FABP12: variants seen among roughly 807,000 people sequenced by gnomAD.
FABP12 encodes the protein fatty acid binding protein 12.
FABP12 carries 19 observed loss-of-function variants against 13.7 expected under a neutral mutation model. The ratio of observed to expected loss-of-function variants is 1.39; its 90% CI spans 0.97 to 2.04. The LOEUF (loss-of-function observed/expected upper bound fraction) is 2.04, where lower values mean the gene tolerates loss of function less well. Ranked by LOEUF, FABP12 falls within the 30% of genes most tolerant of loss-of-function variation. The probability of loss-of-function intolerance (pLI) is 0.00; values close to 1 mark genes in which losing one functional copy is unlikely to be tolerated. For synonymous variants in FABP12, 61 were observed against 57.0 expected, an observed-to-expected ratio of 1.07 and a Z score of -0.32; for missense variants, 182 against 164.2, an observed-to-expected ratio of 1.11 and a Z score of -0.59.
At chr8:81,527,526 C>A (rs1353748184) in intron 3 of FABP12, among the ~76,000 whole-genome samples, 1 of 152,026 alleles carries the variant, frequency 6.6e-6, no homozygotes, top group Non-Finnish European at 1.5e-5. Context: ...CCACGCCCAG[C>A]TAATTTTTGT....
At chr8:81,557,818 T>C (rs1422682631) in intron 1 of FABP12, among the ~76,000 whole-genome samples, 1 of 152,250 alleles carries the variant, frequency 6.6e-6, no homozygotes, top group Non-Finnish European at 1.5e-5. Context: ...AAAGCTTTTT[T>C]TTCCTGTAAA....
chr8:81,572,713 C>T (rs915720738), intron 1 of FABP12, among the ~76,000 whole-genome samples: 1 of 152,082 alleles, frequency 6.6e-6, no homozygotes, highest in African/African-American at 2.4e-5. Context: ...TGATGTTGAG[C>T]GTTTTTTCAT....
chr8:81,546,934 A>AT (rs1809444943), intron 1 of FABP12, among the ~76,000 whole-genome samples: 1 of 152,168 alleles, frequency 6.6e-6, no homozygotes, highest in Admixed American at 6.5e-5. Context: ...GGCATATAGC[A>AT]TTTTTCCTCA....
chr8:81,540,322 G>A (rs1809315695), intron 1 of FABP12, among the ~76,000 whole-genome samples: 2 of 152,208 alleles, frequency 1.3e-5, no homozygotes, highest in African/African-American at 4.8e-5. Context: ...AAAGAACAGA[G>A]TGTGAAAAGG....
intron 1 of FABP12, among the ~76,000 whole-genome samples, chr8:81,586,833 T>C (rs1377835851): frequency 6.6e-6 from 1 of 152,232 alleles, no homozygotes; most frequent in Non-Finnish European, 1.5e-5. Flanking sequence ...TTTGTTGTAA[T>C]TGCTTTTGGA....
intron 1 of FABP12, among the ~76,000 whole-genome samples, chr8:81,565,886 G>A (rs991571994): frequency 6.6e-6 from 1 of 151,848 alleles, no homozygotes; most frequent in Non-Finnish European, 1.5e-5. Flanking sequence ...AGGAAAAGTT[G>A]CTTTCTTGAA....
chr8:81,542,445 C>T (rs916381367), intron 1 of FABP12, among the ~76,000 whole-genome samples: 5 of 152,032 alleles, frequency 3.3e-5, no homozygotes, highest in Non-Finnish European at 7.4e-5. Context: ...AACAGGAAGA[C>T]CAGCAGTCAA....
At chr8:81,553,934 G>A (rs1173712558) in intron 1 of FABP12, among the ~76,000 whole-genome samples, 1 of 152,054 alleles carries the variant, frequency 6.6e-6, no homozygotes, top group African/African-American at 2.4e-5. Context: ...ATGTAACCTT[G>A]GTGTCAAAGA....
chr8:81,547,928 G>A (rs1809461655), intron 1 of FABP12, among the ~76,000 whole-genome samples: 2 of 152,128 alleles, frequency 1.3e-5, no homozygotes, highest in Non-Finnish European at 2.9e-5. Flanking sequence ...GAAGTGAAAG[G>A]ACTTTTACAG....
chr8:81,538,226 A>C (rs1809270631), upstream of FABP12, among the ~76,000 whole-genome samples: 1 of 152,102 alleles, frequency 6.6e-6, no homozygotes, highest in South Asian at 2.1e-4. Flanking sequence ...TGCCCCCACG[A>C]CCTAAACACC....
intron 1 of FABP12, among the ~76,000 whole-genome samples, chr8:81,579,430 T>C (rs1810119998): frequency 6.6e-6 from 1 of 152,166 alleles, no homozygotes; most frequent in Non-Finnish European, 1.5e-5. Flanking sequence ...AATAAAAATA[T>C]GTAGGTGCTT....
At chr8:81,531,684 G>A (rs968829042) in intron 1 of FABP12, among the ~76,000 whole-genome samples, 4 of 152,132 alleles carry the variant, frequency 2.6e-5, no homozygotes, top group Admixed American at 2.0e-4. Context: ...TTATGCCGTG[G>A]AACTTTTGTG....
chr8:81,579,061 C>T (rs1359835230), intron 1 of FABP12, among the ~76,000 whole-genome samples: 1 of 151,692 alleles, frequency 6.6e-6, no homozygotes, highest in East Asian at 1.9e-4. Flanking sequence ...ATCTCCTGAC[C>T]TCGTGATCCA....
At chr8:81,525,373 G>A (rs953540703) in intron 4 of FABP12, among the ~76,000 whole-genome samples, 34 of 152,004 alleles carry the variant, frequency 2.2e-4, no homozygotes, top group Non-Finnish European at 3.2e-4. Context: ...AAAATTAGCC[G>A]GGGATGATGG....
intron 1 of FABP12, among the ~76,000 whole-genome samples, chr8:81,553,477 G>GT (rs570630224): frequency 8.8e-4 from 134 of 152,276 alleles, no homozygotes; most frequent in African/African-American, 3.1e-3. Context: ...TAAAGTCATA[G>GT]TCACAGACAT....
chr8:81,546,410 T>C (rs759944785), intron 1 of FABP12, among the ~76,000 whole-genome samples: 6 of 151,934 alleles, frequency 3.9e-5, no homozygotes, highest in Non-Finnish European at 8.8e-5. Flanking sequence ...TCCCAGCACT[T>C]TGGGAGGCGG....
chr8:81,557,138 G>A (rs1200015078), intron 1 of FABP12, among the ~76,000 whole-genome samples: 1 of 152,062 alleles, frequency 6.6e-6, no homozygotes, highest in African/African-American at 2.4e-5. Context: ...GCCTCCCAAA[G>A]TGCTGGGATT....
intron 1 of FABP12, among the ~76,000 whole-genome samples, chr8:81,575,095 A>G (rs1350582434): frequency 1.3e-5 from 2 of 152,096 alleles, no homozygotes; most frequent in South Asian, 4.2e-4. Flanking sequence ...ATGTAGGGCT[A>G]TGAACTTTCA....
intron 1 of FABP12, among the ~76,000 whole-genome samples, chr8:81,557,688 G>C (rs1809642980): frequency 1.3e-5 from 2 of 152,192 alleles, no homozygotes; most frequent in African/African-American, 4.8e-5. Context: ...TGACACCTGA[G>C]TTAAACATGT....
Sources: allele counts gnomAD v4.1 joint callset (sites outside exome capture counted in the v4.1 genomes callset), GRCh38; gene constraint gnomAD v4.1.1; transcripts MANE v1.5; gene names NCBI Gene and HGNC (gene_info 2026-07-23, HGNC 2026-07-21).